SLC14A2: variants seen among roughly 807,000 people sequenced by gnomAD.
SLC14A2 encodes urea transporter 2.
In SLC14A2, 91 loss-of-function variants were observed where a neutral mutation model predicts 104.6. That is an observed-to-expected ratio of 0.87 (90% CI 0.73 to 1.04). SLC14A2 has a LOEUF of 1.04. Among genes scored for constraint, SLC14A2 ranks in the 50% least tolerant of loss-of-function variants. The pLI, the probability that SLC14A2 is intolerant of heterozygous loss-of-function variation, is 0.00. For missense variants in SLC14A2, 1,189 were observed against 1,156.0 expected (o/e 1.03, Z -0.41); for synonymous variants, 476 against 466.4 (o/e 1.02, Z -0.27).
At chr18:45,331,639 C>T (rs1047950175) in intron 1 of SLC14A2, among the ~76,000 whole-genome samples, 2 of 150,732 alleles carry the variant, frequency 1.3e-5, no homozygotes, top group Admixed American at 6.6e-5. Context: ...TGCAGTGAGC[C>T]GAGATCGCAC....
At chr18:45,469,401 G>A (rs184184516) in intron 1 of SLC14A2, among the ~76,000 whole-genome samples, 179 of 152,292 alleles carry the variant, frequency 1.2e-3, no homozygotes, top group Middle Eastern at 3.4e-3. Context: ...GAATCAACAG[G>A]AGAGGGTGAT....
chr18:45,411,490 A>G (rs2086215398), intron 1 of SLC14A2, among the ~76,000 whole-genome samples: 1 of 152,162 alleles, frequency 6.6e-6, no homozygotes, highest in Non-Finnish European at 1.5e-5. Context: ...CACAAAACAG[A>G]TTTGAGTCTT....
chr18:45,433,252 G>A (rs1032105387), intron 1 of SLC14A2, among the ~76,000 whole-genome samples: 4 of 152,152 alleles, frequency 2.6e-5, no homozygotes, highest in African/African-American at 9.7e-5. Context: ...CCCTCAACAT[G>A]CTGTTGTGAA....
chr18:45,400,282 C>T (rs1260574255), intron 1 of SLC14A2, among the ~76,000 whole-genome samples: 2 of 152,192 alleles, frequency 1.3e-5, no homozygotes, highest in East Asian at 3.9e-4. Context: ...TCACTCTTTA[C>T]TTGAGTCTCC....
intron 1 of SLC14A2, among the ~76,000 whole-genome samples, chr18:45,408,011 G>A (rs57584653): frequency 0.18 from 26,650 of 152,172 alleles, 3,883 homozygotes; most frequent in African/African-American, 0.4. Flanking sequence ...AATGGTGCCA[G>A]CAGACTTGTT....
the SLC14A2 span, among the ~76,000 whole-genome samples, chr18:45,192,638 T>C: frequency 7.0e-6 from 1 of 142,496 alleles, no homozygotes; most frequent in African/African-American, 2.8e-5. Context: ...GTGTGTGTGG[T>C]TTTTTTTTGT....
chr18:45,244,691 G>C (rs557883754), intron 1 of SLC14A2, among the ~76,000 whole-genome samples: 2 of 152,150 alleles, frequency 1.3e-5, no homozygotes, highest in African/African-American at 4.8e-5. Context: ...AGACATGCCT[G>C]TATGAGGAAA....
intron 2 of SLC14A2, among the ~76,000 whole-genome samples, chr18:45,548,117 A>G (rs1413211321): frequency 6.6e-6 from 1 of 152,196 alleles, no homozygotes; most frequent in Admixed American, 6.5e-5. Flanking sequence ...TCAAAACAAG[A>G]GAATGACCCA....
At chr18:45,651,419 T>C (rs1195419056) in intron 10 of SLC14A2, among the ~76,000 whole-genome samples, 1 of 152,106 alleles carries the variant, frequency 6.6e-6, no homozygotes, top group Non-Finnish European at 1.5e-5. Context: ...TCTGCAGTAT[T>C]AGGTAATGCA....
Position 45,644,074 on chromosome 18 carries a change from T to A in SLC14A2, c.1265T>A (p.Leu422His), listed in dbSNP as rs1824330588. The A allele has an allele frequency of 1.9e-6, 3 of 1,614,026 alleles. No homozygotes were observed. Among genetic ancestry groups the A allele is most frequent in the Non-Finnish European group, 2.5e-6 (3 of 1,180,012 alleles). Residue 422 changes from leucine (L) to histidine (H), a missense_variant, in exon 10 of 20, where the codon CTC (leucine) becomes CAC (histidine). Transcript: ENST00000255226. ...ACAAACAACCCAGCCATCTTCAGACTCCCACTCAGCAAAGTCACCTACCCC... is the reference window on the plus strand; with the variant it reads ...ACAAACAACCCAGCCATCTTCAGACACCCACTCAGCAAAGTCACCTACCCC... ...LTTNNPAIFR[L>H]PLSKVTYPEA...
At chr18:45,522,619 A>T (rs2043532516) in intron 2 of SLC14A2, among the ~76,000 whole-genome samples, 1 of 152,172 alleles carries the variant, frequency 6.6e-6, no homozygotes. Context: ...AAAATAGATG[A>T]TGGTTTTGGT....
At chr18:45,300,130 G>A (rs2084953965) in intron 1 of SLC14A2, among the ~76,000 whole-genome samples, 3 of 151,906 alleles carry the variant, frequency 2.0e-5, no homozygotes, top group Admixed American at 2.0e-4. Flanking sequence ...CACGAGAAAG[G>A]AAAAAAACAA....
rs114473830 is a variant in SLC14A2 at position 45,678,302 on chromosome 18, A to G, written c.2513-673A>G. On this transcript the variant is annotated intron_variant, in intron 18 of 19. Coordinates refer to ENST00000255226, the MANE Select transcript of SLC14A2 (RefSeq NM_007163.4). ...TTACACTGTAGGAATGCTGAAAGCT[A>G]TGGTAGTATTGCTACTAGCTGGGCA... Among the ~76,000 whole-genome samples, 173 of 152,334 alleles carry G rather than the reference A, an allele frequency of 1.1e-3. 1 individual carries two copies. Among genetic ancestry groups the G allele is most frequent in the African/African-American group, 3.6e-3 (149 of 41,582 alleles).
rs534071925 is a variant in SLC14A2 at position 45,324,765 on chromosome 18, G to T, written c.-125+111574G>T. Reference sequence around the variant, plus strand: ...CTTTCAGCCACCGCCCCCCACCCCCGCACACACACACACAACCCCTTCACA... The same window carrying T: ...CTTTCAGCCACCGCCCCCCACCCCCTCACACACACACACAACCCCTTCACA... On this transcript the variant is annotated intron_variant, in intron 1 of 20. Coordinates refer to the SLC14A2 transcript ENST00000586448. 3.2e-3 allele frequency among the ~76,000 whole-genome samples: 474 copies of T among 149,358 alleles called. 3 individuals are homozygous for T. Among genetic ancestry groups the T allele is most frequent in the African/African-American group, 0.011 (456 of 39,892 alleles).
chr18:45,238,190 A>G (rs1481092386), intron 1 of SLC14A2, among the ~76,000 whole-genome samples: 3 of 152,234 alleles, frequency 2.0e-5, no homozygotes, highest in Non-Finnish European at 2.9e-5. Flanking sequence ...TTGATTGGGT[A>G]GTATTATATC....
intron 19 of SLC14A2, among the ~76,000 whole-genome samples, chr18:45,679,269 T>G (rs1253586293): frequency 6.6e-6 from 1 of 152,256 alleles, no homozygotes; most frequent in Non-Finnish European, 1.5e-5. Flanking sequence ...AGAGGAAATT[T>G]GAGGAGCATT....
upstream of SLC14A2, among the ~76,000 whole-genome samples, chr18:45,613,120 C>T (rs533197619): frequency 1.0e-3 from 156 of 152,278 alleles, 3 homozygotes; most frequent in African/African-American, 3.4e-3. Flanking sequence ...CTGCAAGCTC[C>T]GCCTCCCAGG....
At chr18:45,278,460 A>G (rs2084726733) in intron 1 of SLC14A2, among the ~76,000 whole-genome samples, 1 of 152,194 alleles carries the variant, frequency 6.6e-6, no homozygotes, top group Admixed American at 6.5e-5. Context: ...GTGTTAGAGC[A>G]TCAGATGCAG....
At chr18:45,208,921 A>T (rs966614710), upstream of SLC14A2, among the ~76,000 whole-genome samples, 1 of 151,860 alleles carries the variant, frequency 6.6e-6, no homozygotes, top group African/African-American at 2.4e-5. Context: ...TTCTACTATC[A>T]TTATTAATAA....
Sources: gnomAD v4.1 joint callset for allele counts (sites outside exome capture counted in the v4.1 genomes callset) on GRCh38, gnomAD v4.1.1 for gene constraint, MANE v1.5 for transcripts, NCBI Gene and HGNC (gene_info 2026-07-23, HGNC 2026-07-21) for gene names.